ARHGEF10: variants seen among roughly 807,000 people sequenced by gnomAD.
ARHGEF10 encodes Rho guanine nucleotide exchange factor 10.
Under a neutral mutation model 147.4 loss-of-function variants are expected in ARHGEF10, and 140 were observed. The ratio of observed to expected loss-of-function variants is 0.95; its 90% CI spans 0.83 to 1.09. ARHGEF10 has a LOEUF of 1.09. ARHGEF10 is among the 50% of genes least tolerant of loss of function. The pLI is 0.00. For missense variants in ARHGEF10, 2,222 were observed against 1,752.7 expected, an observed-to-expected ratio of 1.27 and a Z score of -4.78; for synonymous variants, 902 against 695.8, an observed-to-expected ratio of 1.30 and a Z score of -4.67.
At chr8:1,826,221 G>C in intron 1 of ARHGEF10, 1 of 1,236,858 alleles carries the variant, frequency 8.1e-7, no homozygotes, top group Non-Finnish European at 1.1e-6. Flanking sequence ...AAGTTATTCA[G>C]AATAGCTTTT....
intron 18 of ARHGEF10, among the ~76,000 whole-genome samples, chr8:1,918,571 T>C (rs1286391572): frequency 6.6e-6 from 1 of 152,108 alleles, no homozygotes; most frequent in Non-Finnish European, 1.5e-5. Context: ...TAAAACATGA[T>C]GTTTTGAAAT....
intron 4 of ARHGEF10, among the ~76,000 whole-genome samples, chr8:1,860,644 AAAC>A (rs953805669): frequency 2.6e-5 from 4 of 152,194 alleles, no homozygotes; most frequent in Non-Finnish European, 5.9e-5. Context: ...GAAATTTTTG[AAAC>A]AACGTCTGGT....
intron 2 of ARHGEF10, among the ~76,000 whole-genome samples, chr8:1,844,397 T>C (rs6993318): frequency 0.015 from 334 of 21,662 alleles, no homozygotes; most frequent in Non-Finnish European, 0.024. Flanking sequence ...GCCTGGTAGA[T>C]GACAGAGACG....
At chr8:1,842,613 C>G (rs901707604) in intron 1 of ARHGEF10, among the ~76,000 whole-genome samples, 12 of 152,212 alleles carry the variant, frequency 7.9e-5, no homozygotes, top group Non-Finnish European at 1.6e-4. Flanking sequence ...GAGCCTGGTC[C>G]CTGGCACTGG....
rs1563161989 is a variant in ARHGEF10 at position 1,841,991 on chromosome 8, G to GTCC, written c.-47-1362_-47-1361insTCC. On this transcript the variant is annotated intron_variant, in intron 1 of 28. Transcript: ENST00000349830. The stretch of plus-strand genomic sequence containing the variant: ...GAACTGGGGCCGCGGCGGGAACTGG[G>GTCC]GCCGCGGCGGGAACTGGGGCCGCGG... 1.4e-3 allele frequency among the ~76,000 whole-genome samples: 102 copies of GTCC among 74,340 alleles called. 9 individuals are homozygous for GTCC. The highest frequency in any genetic ancestry group is 4.0e-3 in the Admixed American group (29 of 7,286). 48.8% of individuals were successfully genotyped at this position (74,340 alleles called of 152,430 possible). A position where few individuals can be genotyped will look rare whatever the true frequency, so the allele number is the denominator to read the frequency against.
chr8:1,852,139 C>G (rs1362608670), intron 2 of ARHGEF10, among the ~76,000 whole-genome samples: 1 of 152,188 alleles, frequency 6.6e-6, no homozygotes, highest in East Asian at 1.9e-4. Context: ...AACTGAGGCT[C>G]TTGGTCACAC....
intron 2 of ARHGEF10, among the ~76,000 whole-genome samples, chr8:1,847,872 C>A (rs1804678287): frequency 1.3e-5 from 2 of 152,224 alleles, no homozygotes; most frequent in African/African-American, 4.8e-5. Context: ...GGAAAAGTAA[C>A]ACTTAGCTTT....
intron 13 of ARHGEF10, 84 bp from the exon 14 acceptor site, chr8:1,896,249 G>A: frequency 3.1e-6 from 3 of 963,342 alleles, no homozygotes; most frequent in Non-Finnish European, 5.1e-6. Context: ...TATTTTGAGG[G>A]CGAGTTTCAA....
At position 1,873,047 on chromosome 8, in the gene ARHGEF10, C is replaced by T. The variant is rs923007763; in HGVS notation, c.680-3524C>T. Among the ~76,000 whole-genome samples the T allele has an allele frequency of 3.3e-5, 5 of 152,348 alleles. No homozygotes were observed. In the South Asian group the frequency reaches 6.2e-4, roughly 19 times the overall value. Reference sequence around the variant, plus strand: ...TGGTGACTCAGAAGCCAACACACTGCGGGAGTCCAGCCGTCGGCCCCCTGC... The same window carrying T: ...TGGTGACTCAGAAGCCAACACACTGTGGGAGTCCAGCCGTCGGCCCCCTGC... On this transcript the variant is annotated intron_variant, in intron 7 of 28. Transcript: ENST00000349830.
chr8:1,884,334 T>C (rs1808471634), intron 10 of ARHGEF10, among the ~76,000 whole-genome samples: 2 of 151,112 alleles, frequency 1.3e-5, no homozygotes, highest in African/African-American at 4.9e-5. Flanking sequence ...AGGCGGAGCT[T>C]GCAGTGAGCC....
At chr8:1,926,700 A>G in intron 23 of ARHGEF10, 2 of 580,182 alleles carry the variant, frequency 3.4e-6, no homozygotes, top group South Asian at 3.9e-5. Context: ...AACATTTACC[A>G]GATAAAGTTG....
chr8:1,943,122 G>A (rs1436018707), intron 26 of ARHGEF10, among the ~76,000 whole-genome samples: 3 of 152,250 alleles, frequency 2.0e-5, no homozygotes, highest in Non-Finnish European at 4.4e-5. Context: ...GCAGAAGTTA[G>A]CCTGAAGCAA....
chr8:1,892,349 A>G (rs1809609406), intron 11 of ARHGEF10, among the ~76,000 whole-genome samples: 2 of 138,282 alleles, frequency 1.4e-5, no homozygotes, highest in South Asian at 4.6e-4. Flanking sequence ...CGATACCTGT[A>G]TTTTTTAAAT....
chr8:1,863,948 A>G (rs949790485), intron 4 of ARHGEF10, among the ~76,000 whole-genome samples: 6 of 151,990 alleles, frequency 3.9e-5, no homozygotes, highest in African/African-American at 1.2e-4. Context: ...TGCCAGGCGG[A>G]TGCCCCTTCA....
chr8:1,911,206 G>C (rs987791468), intron 18 of ARHGEF10, among the ~76,000 whole-genome samples: 1 of 152,184 alleles, frequency 6.6e-6, no homozygotes, highest in East Asian at 1.9e-4. Flanking sequence ...ATTCAAGGAG[G>C]TCTTTGGTGT....
chr8:1,887,171 C>T (rs1441778162), intron 11 of ARHGEF10, among the ~76,000 whole-genome samples: 2 of 152,210 alleles, frequency 1.3e-5, no homozygotes, highest in African/African-American at 4.8e-5. Flanking sequence ...TTGGATCCTG[C>T]ACTCTGAGAA....
At chr8:1,868,863 A>G (rs1806838642) in intron 6 of ARHGEF10, among the ~76,000 whole-genome samples, 1 of 152,176 alleles carries the variant, frequency 6.6e-6, no homozygotes. Context: ...ACACAAAATC[A>G]TAGAATAAGT....
At chr8:1,894,656 CT>C (rs549863552) in intron 13 of ARHGEF10, 84 bp downstream of exon 13, 72 of 1,475,522 alleles carry the variant, frequency 4.9e-5, no homozygotes, top group South Asian at 3.6e-4. Context: ...TGTTTTGCCC[CT>C]GATCTCCTGC....
At chr8:1,846,961 G>GT (rs1220552447) in intron 2 of ARHGEF10, among the ~76,000 whole-genome samples, 1 of 152,266 alleles carries the variant, frequency 6.6e-6, no homozygotes, top group Admixed American at 6.5e-5. Flanking sequence ...CTCGTTTTTC[G>GT]TAAGTGTCCT....
Sources: allele counts gnomAD v4.1 joint callset (sites outside exome capture counted in the v4.1 genomes callset), GRCh38; gene constraint gnomAD v4.1.1; transcripts MANE v1.5; gene names NCBI Gene and HGNC (gene_info 2026-07-23, HGNC 2026-07-21).